METTL15: variants seen among roughly 807,000 people sequenced by gnomAD.
The protein encoded by METTL15 is methyltransferase 15, mitochondrial 12S rRNA N4-cytidine.
A neutral mutation model predicts 38.3 loss-of-function variants in METTL15; 34 were observed. The ratio of observed to expected loss-of-function variants is 0.89; its 90% CI spans 0.68 to 1.18. METTL15 has a LOEUF of 1.18. Ranked by LOEUF, METTL15 falls within the 50% of genes most tolerant of loss-of-function variation. METTL15 has a pLI of 0.00. For synonymous variants in METTL15, 162 were observed against 170.9 expected (o/e 0.95, Z 0.41); for missense variants, 438 against 498.4 (o/e 0.88, Z 1.15).
At chr11:28,523,174 G>A (rs959424146) in intron 6 of METTL15, among the ~76,000 whole-genome samples, 2 of 152,138 alleles carry the variant, frequency 1.3e-5, no homozygotes, top group Non-Finnish European at 2.9e-5. Flanking sequence ...AAAACAGCAG[G>A]TACTGAAAGC....
At chr11:28,392,476 A>G (rs1323204307) in intron 5 of METTL15, among the ~76,000 whole-genome samples, 10 of 152,166 alleles carry the variant, frequency 6.6e-5, no homozygotes, top group Admixed American at 6.6e-4. Flanking sequence ...CCAAGGTTAT[A>G]TAATGTGGAA....
At chr11:28,154,907 G>A (rs956243467) in intron 3 of METTL15, among the ~76,000 whole-genome samples, 23 of 152,078 alleles carry the variant, frequency 1.5e-4, no homozygotes, top group Non-Finnish European at 2.4e-4. Flanking sequence ...TGATTTTAGC[G>A]TATGACTTAA....
intron 4 of METTL15, among the ~76,000 whole-genome samples, chr11:28,222,655 G>T (rs1162733426): frequency 6.6e-6 from 1 of 152,158 alleles, no homozygotes; most frequent in Non-Finnish European, 1.5e-5. Flanking sequence ...CATGCTGGGT[G>T]CTGTAGACTG....
chr11:28,480,878 G>C (rs1021549284), intron 6 of METTL15, among the ~76,000 whole-genome samples: 4 of 152,106 alleles, frequency 2.6e-5, no homozygotes, highest in African/African-American at 9.7e-5. Context: ...CTACTCCCCT[G>C]CTGCATAGAT....
rs544881097 is a variant in METTL15 at position 28,399,249 on chromosome 11, C to T, written c.*359-25050C>T. On this transcript the variant is annotated intron_variant and NMD_transcript_variant, in intron 5 of 7. Transcript: ENST00000532947. ...GTTGGGAAAACTGGCCAGCCATTTG[C>T]AGAAAACTGAAACTGGACCCCTTCC... Among the ~76,000 whole-genome samples the T allele has an allele frequency of 2.0e-5, 3 of 152,054 alleles. No homozygotes were observed. The South Asian group carries it at 6.2e-4, about 32-fold the overall frequency.
intron 5 of METTL15, among the ~76,000 whole-genome samples, chr11:28,294,367 A>G (rs1407521988): frequency 3.9e-5 from 6 of 152,190 alleles, no homozygotes; most frequent in African/African-American, 1.2e-4. Context: ...TGGCCTGTCA[A>G]TTCCTGAAAG....
chr11:28,307,585 A>G (rs533247334), intron 6 of METTL15, among the ~76,000 whole-genome samples: 14 of 152,080 alleles, frequency 9.2e-5, no homozygotes, highest in African/African-American at 2.4e-4. Context: ...TACCTTTCCT[A>G]TTCTTTTAAA....
intron 4 of METTL15, among the ~76,000 whole-genome samples, chr11:28,220,264 A>G (rs917024310): frequency 6.6e-6 from 1 of 152,128 alleles, no homozygotes; most frequent in Non-Finnish European, 1.5e-5. Flanking sequence ...GTGCATATAT[A>G]TTTAGGATAG....
At chr11:28,447,754 A>C (rs148814391) in intron 6 of METTL15, among the ~76,000 whole-genome samples, 3 of 152,298 alleles carry the variant, frequency 2.0e-5, no homozygotes, top group African/African-American at 7.2e-5. Flanking sequence ...AAAATTGTTC[A>C]GATTCAGAAT....
chr11:28,165,230 G>A (rs1850615707), intron 3 of METTL15, among the ~76,000 whole-genome samples: 1 of 152,004 alleles, frequency 6.6e-6, no homozygotes, highest in Admixed American at 6.6e-5. Flanking sequence ...CCATATAGTA[G>A]TTTATTTTTA....
chr11:28,133,344 A>C (rs1320553811), intron 3 of METTL15, among the ~76,000 whole-genome samples: 1 of 152,188 alleles, frequency 6.6e-6, no homozygotes, highest in East Asian at 1.9e-4. Context: ...AAAAACCTTC[A>C]AGACAATTTC....
chr11:28,268,196 CAAAAAAAAA>C (rs71050954), intron 4 of METTL15, among the ~76,000 whole-genome samples: 5 of 64,164 alleles, frequency 7.8e-5, no homozygotes, highest in South Asian at 8.2e-4. Flanking sequence ...GACTCCGTCT[CAAAAAAAAA>C]AAAAAAAAAA....
At chr11:28,317,938 A>G (rs1857537542) in intron 6 of METTL15, among the ~76,000 whole-genome samples, 1 of 152,294 alleles carries the variant, frequency 6.6e-6, no homozygotes, top group Middle Eastern at 3.4e-3. Flanking sequence ...AAACAAAACT[A>G]AATACATACA....
chr11:28,211,087 C>A lies in METTL15; in HGVS notation c.296C>A (p.Ser99Ter), dbSNP rs767951409. Residue 99 changes from serine to a stop codon, truncating the protein, a stop_gained, in exon 4 of 7, where the codon TCG becomes TAG. Transcript: ENST00000407364. LOFTEE classifies it high-confidence loss of function. ...ATTTTTCTAGATATGACATTTGGTT[C>A]GGGAGGGCACACAAAAGCCATTCTG... is the stretch of plus-strand genomic sequence containing the variant. ...GQIFLDMTFG[S>*]GGHTKAILQK... 2 of 1,610,378 alleles carry A rather than the reference C, an allele frequency of 1.2e-6. No homozygotes were observed. Among genetic ancestry groups the A allele is most frequent in the Non-Finnish European group, 1.7e-6 (2 of 1,178,530 alleles).
rs1295555694 is a variant in METTL15, at chr11:28,360,892, A to G, written c.*259-1045A>G. Among the ~76,000 whole-genome samples the G allele has an allele frequency of 7.1e-5, 10 of 141,070 alleles. No homozygotes were observed. The East Asian group carries it at 1.9e-3, about 26-fold the overall frequency. The allele number at this position is 141,070 out of a possible 152,430, so 92.5% of individuals were successfully genotyped here. A position where few individuals can be genotyped will look rare whatever the true frequency, so the allele number is the denominator to read the frequency against. On this transcript the variant is annotated intron_variant and NMD_transcript_variant, in intron 4 of 7. Transcript: ENST00000532947. Reference sequence around the variant, plus strand: ...TCTCATTGTTCAATTCCCATCTATGAGTGAGAACATGCGGTGTTTGGTTTT... The same window carrying G: ...TCTCATTGTTCAATTCCCATCTATGGGTGAGAACATGCGGTGTTTGGTTTT...
rs1440327290 is a variant in METTL15, at chr11:28,333,435, A to G, written c.*2594A>G. 2 of 152,172 alleles carry G rather than the reference A, an allele frequency of 1.3e-5. No homozygotes were observed. Among genetic ancestry groups the G allele is most frequent in the Non-Finnish European group, 2.9e-5 (2 of 68,018 alleles). 9.4% of individuals were successfully genotyped at this position (152,172 alleles called of 1,614,324 possible). A position where few individuals can be genotyped will look rare whatever the true frequency, so the allele number is the denominator to read the frequency against. Reference sequence around the variant, plus strand: ...TGGAGAATGGTTTTGGGAAGTTCCTACAGTACACAGAAATAAAAGCTAATG... The same window carrying G: ...TGGAGAATGGTTTTGGGAAGTTCCTGCAGTACACAGAAATAAAAGCTAATG... On this transcript the variant is annotated 3_prime_UTR_variant, in exon 7 of 7. Transcript: ENST00000407364.
chr11:28,463,415 A>G (rs1851231945), intron 6 of METTL15, among the ~76,000 whole-genome samples: 1 of 152,166 alleles, frequency 6.6e-6, no homozygotes, highest in African/African-American at 2.4e-5. Flanking sequence ...TTTACTTTAG[A>G]ATGATTATAA....
intron 6 of METTL15, among the ~76,000 whole-genome samples, chr11:28,458,878 A>C (rs925337936): frequency 6.6e-6 from 1 of 152,220 alleles, no homozygotes; most frequent in African/African-American, 2.4e-5. Flanking sequence ...GTAGAATGAA[A>C]GTTCAACTGG....
intron 5 of METTL15, among the ~76,000 whole-genome samples, chr11:28,402,051 TA>T: frequency 6.6e-6 from 1 of 152,050 alleles, no homozygotes; most frequent in South Asian, 2.1e-4. Context: ...AGTGTTTTGG[TA>T]GTTTCTAGAA....
Sources: allele counts gnomAD v4.1 joint callset (sites outside exome capture counted in the v4.1 genomes callset), GRCh38; gene constraint gnomAD v4.1.1; transcripts MANE v1.5; gene names NCBI Gene and HGNC (gene_info 2026-07-23, HGNC 2026-07-21).